Variants in STK39 observed in about 807,000 individuals in gnomAD.
STK39 encodes the protein STE20/SPS1-related proline-alanine-rich protein kinase.
Under a neutral mutation model 77.8 loss-of-function variants are expected in STK39, and 20 were observed. The ratio of observed to expected loss-of-function variants is 0.26; its 90% confidence interval spans 0.18 to 0.37. The LOEUF (loss-of-function observed/expected upper bound fraction) is 0.37. Ranked by LOEUF, STK39 falls within the 10% of genes least tolerant of loss-of-function variation. STK39 has a pLI of 1.00. For missense variants in STK39, 479 were observed against 656.5 expected (o/e 0.73, Z 2.95); for synonymous variants, 246 against 234.1 (o/e 1.05, Z -0.47).
intron 5 of STK39, among the ~76,000 whole-genome samples, chr2:168,152,330 C>G (rs1471271878): frequency 6.6e-6 from 1 of 152,158 alleles, no homozygotes; most frequent in East Asian, 1.9e-4. Flanking sequence ...CTCTCTACAC[C>G]CAAGACAATC....
At chr2:168,073,428 A>G (rs1232257754) in intron 12 of STK39, among the ~76,000 whole-genome samples, 2 of 152,224 alleles carry the variant, frequency 1.3e-5, no homozygotes, top group African/African-American at 4.8e-5. Flanking sequence ...CACTTTTAGT[A>G]AGAAATACTC....
intron 15 of STK39, among the ~76,000 whole-genome samples, chr2:168,016,833 G>A (rs1684421551): frequency 6.6e-6 from 1 of 152,152 alleles, no homozygotes; most frequent in African/African-American, 2.4e-5. Flanking sequence ...TGTATACTGT[G>A]CCGCATGTGT....
intron 14 of STK39, among the ~76,000 whole-genome samples, chr2:168,030,087 A>AGGG (rs1684796691): frequency 7.5e-6 from 1 of 132,600 alleles, no homozygotes; most frequent in Non-Finnish European, 1.5e-5. Context: ...AAAAAATACA[A>AGGG]AAAATTAGCC....
intron 15 of STK39, 36 bp from the exon 16 acceptor site, chr2:168,012,738 A>G (rs201671332): frequency 3.2e-6 from 5 of 1,573,048 alleles, no homozygotes; most frequent in Non-Finnish European, 4.4e-6. Context: ...ATTAGTAACC[A>G]TAACATAAAA....
intron 8 of STK39, among the ~76,000 whole-genome samples, chr2:168,136,149 A>G (rs1312748845): frequency 6.6e-6 from 1 of 152,058 alleles, no homozygotes; most frequent in Non-Finnish European, 1.5e-5. Context: ...CGGGCGAATC[A>G]CGAGGTCAGG....
chr2:167,984,959 C>T (rs10497333), intron 16 of STK39, among the ~76,000 whole-genome samples: 84,257 of 151,934 alleles, frequency 0.55, 24,632 homozygotes, highest in African/African-American at 0.67. Flanking sequence ...GTAAAAAAAA[C>T]TAATGAAGTA....
chr2:168,183,959 G>C (rs557492820), intron 1 of STK39, among the ~76,000 whole-genome samples: 186 of 152,242 alleles, frequency 1.2e-3, no homozygotes, highest in African/African-American at 4.4e-3. Flanking sequence ...GGTTAGCACT[G>C]GGCCTGGTAC....
intron 3 of STK39, among the ~76,000 whole-genome samples, chr2:168,164,510 G>A (rs531869143): frequency 1.4e-4 from 21 of 152,156 alleles, no homozygotes; most frequent in African/African-American, 4.6e-4. Context: ...AGGCTCAAGC[G>A]ATCCTCCCAC....
At chr2:168,109,502 ATTG>A (rs1687066130) in intron 10 of STK39, among the ~76,000 whole-genome samples, 1 of 152,188 alleles carries the variant, frequency 6.6e-6, no homozygotes, top group African/African-American at 2.4e-5. Context: ...GAGTTTATAC[ATTG>A]TTGTTTTGAA....
intron 10 of STK39, among the ~76,000 whole-genome samples, chr2:168,108,006 T>C (rs1687023958): frequency 6.6e-6 from 1 of 152,218 alleles, no homozygotes; most frequent in African/African-American, 2.4e-5. Flanking sequence ...CTCATCCTAA[T>C]TCCAAAACAA....
At chr2:168,184,562 G>A (rs900552821) in intron 1 of STK39, among the ~76,000 whole-genome samples, 2 of 152,102 alleles carry the variant, frequency 1.3e-5, no homozygotes, top group East Asian at 1.9e-4. Context: ...GAGAAAACAG[G>A]GTCCTGTGAA....
chr2:168,143,791 A>G (rs543574470), intron 5 of STK39, among the ~76,000 whole-genome samples: 18 of 152,070 alleles, frequency 1.2e-4, no homozygotes, highest in African/African-American at 3.4e-4. Flanking sequence ...ACGTAAACCT[A>G]TATCACTACT....
intron 10 of STK39, among the ~76,000 whole-genome samples, chr2:168,082,091 T>C (rs1192636393): frequency 6.6e-6 from 1 of 152,238 alleles, no homozygotes; most frequent in African/African-American, 2.4e-5. Flanking sequence ...TTCCCTGCTG[T>C]GTGCAAAGAC....
At chr2:168,098,815 C>T (rs78305888) in intron 10 of STK39, among the ~76,000 whole-genome samples, 9,262 of 152,262 alleles carry the variant, frequency 0.061, 427 homozygotes, top group Non-Finnish European at 0.082. Context: ...GTATTAATAT[C>T]ATTGACACTC....
chr2:168,069,870 A>G (rs1208080842), intron 12 of STK39, among the ~76,000 whole-genome samples: 1 of 152,204 alleles, frequency 6.6e-6, no homozygotes, highest in Non-Finnish European at 1.5e-5. Context: ...AGATGCTACT[A>G]TAAAAAAGAG....
rs76490597 is a variant in STK39, at chr2:168,000,759, G to C, written c.1498+11875C>G. Reference sequence around the variant, plus strand: ...ACGATCTTGACCCCAGATCTATTCAGCCAATGAAGAAATGAGCCATGAACG... The same window carrying C: ...ACGATCTTGACCCCAGATCTATTCACCCAATGAAGAAATGAGCCATGAACG... On this transcript the variant is annotated intron_variant, in intron 16 of 17. Transcript: ENST00000355999. Among the ~76,000 whole-genome samples, 1,323 of 152,254 alleles carry C rather than the reference G, an allele frequency of 8.7e-3. 17 individuals carry two copies. Among genetic ancestry groups the C allele is most frequent in the African/African-American group, 0.03 (1,250 of 41,530 alleles).
chr2:168,160,481 T>C (rs1273900709), intron 5 of STK39, among the ~76,000 whole-genome samples: 3 of 152,168 alleles, frequency 2.0e-5, no homozygotes, highest in African/African-American at 7.2e-5. Flanking sequence ...GCAACAGCAG[T>C]AGCAGCAGCA....
chr2:168,193,412 A>G (rs549692567), intron 1 of STK39, among the ~76,000 whole-genome samples: 18 of 152,322 alleles, frequency 1.2e-4, no homozygotes, highest in African/African-American at 4.3e-4. Flanking sequence ...CAGGAACACA[A>G]ATGTCCAGTG....
chr2:168,048,020 C>T (rs1559072490), intron 14 of STK39, among the ~76,000 whole-genome samples: 1 of 152,152 alleles, frequency 6.6e-6, no homozygotes. Context: ...GTTTTATTTT[C>T]TGAAAATTTT....
Sources: gnomAD v4.1 joint callset for allele counts (sites outside exome capture counted in the v4.1 genomes callset) on GRCh38, gnomAD v4.1.1 for gene constraint, MANE v1.5 for transcripts, NCBI Gene and HGNC (gene_info 2026-07-23, HGNC 2026-07-21) for gene names.